Variants in LRSAM1 observed in about 807,000 individuals in gnomAD.
The protein encoded by LRSAM1 is leucine rich repeat and sterile alpha motif containing 1.
A neutral mutation model predicts 118.1 loss-of-function variants in LRSAM1; 96 were observed. The ratio of observed to expected loss-of-function variants is 0.81; its 90% CI spans 0.69 to 0.96. The LOEUF (loss-of-function observed/expected upper bound fraction) is 0.96, where lower values mean the gene tolerates loss of function less well. LRSAM1 is among the 40% of genes least tolerant of loss of function. The pLI is 0.00. For synonymous variants in LRSAM1, 322 were observed against 364.2 expected (o/e 0.88, Z 1.32); for missense variants, 804 against 915.5 (o/e 0.88, Z 1.57).
rs377678883 is a variant in LRSAM1, at chr9:127,496,038, G to A, written c.1773G>A (p.Ala591=). Residue 591 remains alanine, a synonymous_variant, in exon 23 of 26, where the codon GCG becomes GCA. Transcript: ENST00000300417. ...CTGAGCACTACCTGCCCATCTTTGC[G>A]CACCACCGCCTCTCACTGGACCTGC... The part of the protein sequence containing the change: ...LSAEHYLPIF[A]HHRLSLDLLS... The A allele has an allele frequency of 2.5e-5, 41 of 1,612,196 alleles. No homozygotes were observed. Among genetic ancestry groups the A allele is most frequent in the East Asian group, 2.2e-4 (10 of 44,876 alleles).
At chr9:127,480,013 C>G in intron 14 of LRSAM1, 35 bp downstream of exon 14, 1 of 1,614,108 alleles carries the variant, frequency 6.2e-7, no homozygotes, top group East Asian at 2.2e-5. Context: ...GCCCCAGAGT[C>G]CTTCCCCGTG....
intron 2 of LRSAM1, chr9:127,454,162 G>A (rs1279597289): frequency 5.5e-6 from 2 of 366,588 alleles, no homozygotes; most frequent in East Asian, 6.9e-5. Flanking sequence ...CTAGAAAGAC[G>A]CAGCCCCTGC....
intron 9 of LRSAM1, among the ~76,000 whole-genome samples, chr9:127,466,494 ATATATATATATTTT>A (rs1451643738): frequency 5.3e-5 from 1 of 18,706 alleles, no homozygotes; most frequent in Non-Finnish European, 1.0e-4. Flanking sequence ...ATATATATAT[ATATATATATATTTT>A]TTTTTTTTTT....
chr9:127,494,684 C>A (rs1310699156), intron 21 of LRSAM1, among the ~76,000 whole-genome samples: 1 of 152,136 alleles, frequency 6.6e-6, no homozygotes, highest in Non-Finnish European at 1.5e-5. Flanking sequence ...TGGCTCACGC[C>A]TGTAATCCCA....
chr9:127,498,576 T>C (rs1423829283), intron 24 of LRSAM1, among the ~76,000 whole-genome samples: 5 of 152,194 alleles, frequency 3.3e-5, no homozygotes, highest in Admixed American at 2.0e-4. Context: ...CCATAGCAGA[T>C]TGGCCATGAG....
chr9:127,487,785 G>C (rs1835786756), intron 18 of LRSAM1, 22 bp downstream of exon 18: 7 of 1,605,724 alleles, frequency 4.4e-6, no homozygotes, highest in African/African-American at 1.3e-5. Context: ...CCCAGAGCCT[G>C]AGGGTGGGAG....
At chr9:127,490,729 C>G (rs958312092) in intron 19 of LRSAM1, among the ~76,000 whole-genome samples, 2 of 152,186 alleles carry the variant, frequency 1.3e-5, no homozygotes, top group Non-Finnish European at 2.9e-5. Context: ...CAGCACAGGC[C>G]TAGCACATAG....
intron 24 of LRSAM1, among the ~76,000 whole-genome samples, chr9:127,500,358 C>CAAGAAAAAAAAA (rs1836336696): frequency 1.1e-5 from 1 of 93,566 alleles, no homozygotes; most frequent in Non-Finnish European, 2.2e-5. Context: ...GAGACTGTCT[C>CAAGAAAAAAAAA]AAAAAAAAAA....
chr9:127,460,722 C>T (rs1054502524), intron 7 of LRSAM1, among the ~76,000 whole-genome samples: 18 of 152,026 alleles, frequency 1.2e-4, no homozygotes, highest in African/African-American at 4.3e-4. Flanking sequence ...CCTCAAGGGC[C>T]GGTAGGGGGA....
chr9:127,454,733 T>C, intron 3 of LRSAM1, 134 bp downstream of exon 3: 2 of 1,043,524 alleles, frequency 1.9e-6, no homozygotes, highest in South Asian at 1.3e-5. Flanking sequence ...AATATTTGAC[T>C]TAGACCCAAC....
chr9:127,491,008 C>T (rs201785643), intron 19 of LRSAM1, among the ~76,000 whole-genome samples: 1 of 10,098 alleles, frequency 9.9e-5, no homozygotes, highest in Non-Finnish European at 3.1e-4. Flanking sequence ...CACGTCCATG[C>T]CCCAGGAACG....
chr9:127,489,491 C>A lies in LRSAM1; in HGVS notation c.1395C>A (p.Asp465Glu), dbSNP rs757966337. The A allele has an allele frequency of 6.2e-7, 1 of 1,609,854 alleles. No individual in the cohort carries two copies. The highest frequency in any genetic ancestry group is 1.1e-5 in the South Asian group (1 of 89,780). Reference sequence around the variant, plus strand: ...TCGAGGCACTCCAGGTGAAGAAAGACCTGATGCATCGGCAGATCAGGAGCC... The same window carrying A: ...TCGAGGCACTCCAGGTGAAGAAAGAACTGATGCATCGGCAGATCAGGAGCC... ...AAFEALQVKK[D>E]LMHRQIRSQI... The change falls in exon 19 of 26, where the codon GAC (aspartate) becomes GAA (glutamate). Residue 465 changes from aspartate (D) to glutamate (E), a missense_variant. Coordinates refer to ENST00000300417, the MANE Select transcript of LRSAM1 (RefSeq NM_001005373.4).
intron 10 of LRSAM1, among the ~76,000 whole-genome samples, chr9:127,468,203 T>C (rs1381863663): frequency 1.3e-5 from 2 of 151,908 alleles, no homozygotes; most frequent in East Asian, 1.9e-4. Context: ...CCAGTGTAGC[T>C]GGAGGGAGGA....
chr9:127,471,714 G>T (rs12340522), intron 10 of LRSAM1, among the ~76,000 whole-genome samples: 16,214 of 151,168 alleles, frequency 0.11, 1,468 homozygotes, highest in Admixed American at 0.28. Context: ...TTGAACCCAT[G>T]AGGCAGAGGC....
intron 2 of LRSAM1, among the ~76,000 whole-genome samples, chr9:127,452,517 A>G (rs1390087513): frequency 1.3e-5 from 2 of 152,094 alleles, no homozygotes; most frequent in South Asian, 2.1e-4. Context: ...TCCCATGACT[A>G]TCTTCTCCCT....
rs1415006684 is a variant in LRSAM1 at position 127,479,447 on chromosome 9, C to T, written c.845C>T (p.Thr282Ile). The change falls in exon 13 of 26, where the codon ACC becomes ATC. Residue 282 changes from threonine (T) to isoleucine (I), a missense_variant. Physicochemically the swap from Thr to Ile is moderately conservative, Grantham distance 89. Coordinates refer to ENST00000300417, the MANE Select transcript of LRSAM1 (RefSeq NM_001005373.4). ...RRLELGQREH[T>I]QLLQQSSSQK... ...CTGGAACTGGGGCAGCGGGAGCACA[C>T]CCAGCTCCTTCAGCAGAGCAGCAGC... 7.4e-6 allele frequency: 12 copies of T among 1,614,160 alleles called. No individual in the cohort carries two copies. Among genetic ancestry groups the T allele is most frequent in the Middle Eastern group, 1.6e-4 (1 of 6,062 alleles).
At chr9:127,479,263 T>C in intron 12 of LRSAM1, 120 bp from the exon 13 acceptor site, 1 of 1,438,180 alleles carries the variant, frequency 7.0e-7, no homozygotes, top group Non-Finnish European at 9.7e-7. Context: ...GGAGTGGGGG[T>C]TGCTCAGCAT....
intron 20 of LRSAM1, among the ~76,000 whole-genome samples, chr9:127,491,786 G>A (rs1252381404): frequency 6.6e-6 from 1 of 152,222 alleles, no homozygotes; most frequent in Non-Finnish European, 1.5e-5. Context: ...CAGATGAGAG[G>A]GCAGCAGGGA....
At chr9:127,458,859 T>G in intron 6 of LRSAM1, 144 bp from the exon 7 acceptor site, 1 of 743,072 alleles carries the variant, frequency 1.3e-6, no homozygotes, top group Admixed American at 2.0e-5. Context: ...GCGGGAATGA[T>G]CAACACTGAG....
Sources: gnomAD v4.1 joint callset for allele counts (sites outside exome capture counted in the v4.1 genomes callset) on GRCh38, gnomAD v4.1.1 for gene constraint, MANE v1.5 for transcripts, NCBI Gene and HGNC (gene_info 2026-07-23, HGNC 2026-07-21) for gene names.